Variants in SMYD3 observed in about 807,000 individuals in gnomAD.
The protein encoded by SMYD3 is SET and MYND domain containing 3.
Under a neutral mutation model 57.7 loss-of-function variants are expected in SMYD3, and 36 were observed. The observed-to-expected ratio is 0.62, with a 90% CI of 0.48 to 0.82. The LOEUF is 0.82. SMYD3 is among the 40% of genes least tolerant of loss of function. The pLI is 0.00. For synonymous variants in SMYD3, 211 were observed against 195.0 expected, an observed-to-expected ratio of 1.08 and a Z score of -0.68; for missense variants, 515 against 538.8, an observed-to-expected ratio of 0.96 and a Z score of 0.44.
intron 1 of SMYD3, among the ~76,000 whole-genome samples, chr1:246,363,618 T>C (rs2066046904): frequency 6.6e-6 from 1 of 152,156 alleles, no homozygotes; most frequent in Admixed American, 6.5e-5. Context: ...TCTGTGACCT[T>C]ACCCCCCAAC....
chr1:246,259,587 G>T (rs1391287926), intron 5 of SMYD3, among the ~76,000 whole-genome samples: 3 of 152,174 alleles, frequency 2.0e-5, no homozygotes, highest in Admixed American at 1.3e-4. Flanking sequence ...GCCAGTAGAT[G>T]ATGCTTATAG....
intron 11 of SMYD3, among the ~76,000 whole-genome samples, chr1:245,759,241 C>G (rs913836623): frequency 1.3e-5 from 2 of 151,970 alleles, no homozygotes; most frequent in Non-Finnish European, 2.9e-5. Context: ...CAGGGGCTTC[C>G]AAACAACTCT....
intron 5 of SMYD3, among the ~76,000 whole-genome samples, chr1:246,279,549 T>G (rs912691661): frequency 6.6e-6 from 1 of 151,948 alleles, no homozygotes; most frequent in Non-Finnish European, 1.5e-5. Flanking sequence ...AAAAAAAGAT[T>G]GTTGAGACCA....
chr1:246,447,247 G>C (rs959642057), intron 1 of SMYD3, among the ~76,000 whole-genome samples: 1 of 152,154 alleles, frequency 6.6e-6, no homozygotes, highest in African/African-American at 2.4e-5. Flanking sequence ...AGAGGAATTG[G>C]GGAGGTAATT....
chr1:246,002,330 T>A lies in SMYD3; in HGVS notation c.532-72393A>T, dbSNP rs12755103. 4.3e-3 allele frequency among the ~76,000 whole-genome samples: 212 copies of A among 49,744 alleles called. 13 individuals are homozygous for A. Among genetic ancestry groups the A allele is most frequent in the South Asian group, 0.021 (28 of 1,360 alleles). 32.6% of individuals were successfully genotyped at this position (49,744 alleles called of 152,430 possible). Reference sequence around the variant, plus strand: ...CTCCCGAGTAGCTGGGACTGCAGGCTCCCGCCACCACGCCCGGCTAATTTT... The same window carrying A: ...CTCCCGAGTAGCTGGGACTGCAGGCACCCGCCACCACGCCCGGCTAATTTT... On this transcript the variant is annotated intron_variant, in intron 5 of 11. Coordinates refer to ENST00000490107, the MANE Select transcript of SMYD3 (RefSeq NM_001167740.2).
intron 5 of SMYD3, among the ~76,000 whole-genome samples, chr1:246,093,483 G>A (rs1248972916): frequency 1.3e-5 from 2 of 152,152 alleles, no homozygotes; most frequent in African/African-American, 2.4e-5. Flanking sequence ...GGATAAGCCT[G>A]GAGGACATTA....
At chr1:245,992,383 C>T (rs1184860535) in intron 5 of SMYD3, among the ~76,000 whole-genome samples, 3 of 152,266 alleles carry the variant, frequency 2.0e-5, no homozygotes, top group Non-Finnish European at 2.9e-5. Flanking sequence ...GTGTGAACCT[C>T]GGGATGCAGG....
intron 1 of SMYD3, among the ~76,000 whole-genome samples, chr1:246,429,746 A>T (rs977864980): frequency 3.3e-5 from 5 of 152,232 alleles, no homozygotes; most frequent in Admixed American, 3.3e-4. Context: ...GGGTCCTACA[A>T]GGGAAAATGT....
At chr1:245,789,457 T>G (rs539111140) in intron 10 of SMYD3, among the ~76,000 whole-genome samples, 93 of 152,102 alleles carry the variant, frequency 6.1e-4, no homozygotes, top group Non-Finnish European at 1.2e-3. Context: ...AAATACAGAC[T>G]AAGAAGAAAG....
At chr1:245,827,982 G>A (rs1467299185) in intron 10 of SMYD3, among the ~76,000 whole-genome samples, 1 of 152,144 alleles carries the variant, frequency 6.6e-6, no homozygotes, top group East Asian at 1.9e-4. Flanking sequence ...CAGACACGAG[G>A]AAAGAAAGGT....
At chr1:245,960,465 G>A (rs1251070244) in intron 5 of SMYD3, among the ~76,000 whole-genome samples, 1 of 152,148 alleles carries the variant, frequency 6.6e-6, no homozygotes, top group Non-Finnish European at 1.5e-5. Context: ...ACTAAAGAAT[G>A]GGCATAGGGC....
At chr1:246,311,776 C>T (rs1479300943) in intron 5 of SMYD3, among the ~76,000 whole-genome samples, 1 of 152,198 alleles carries the variant, frequency 6.6e-6, no homozygotes, top group Non-Finnish European at 1.5e-5. Context: ...TTCAAAAATA[C>T]CCAGCCTTTC....
chr1:245,815,745 C>T (rs1391346897), intron 10 of SMYD3, among the ~76,000 whole-genome samples: 3 of 152,228 alleles, frequency 2.0e-5, no homozygotes, highest in Non-Finnish European at 4.4e-5. Context: ...TTTCCACAGC[C>T]ACTGTCTCAC....
chr1:246,453,434 A>G (rs747879684), intron 1 of SMYD3, among the ~76,000 whole-genome samples: 2 of 152,290 alleles, frequency 1.3e-5, no homozygotes, highest in Non-Finnish European at 1.5e-5. Flanking sequence ...CGATGCTTCT[A>G]TATGTAAACA....
intron 1 of SMYD3, among the ~76,000 whole-genome samples, chr1:246,444,126 A>AAT (rs1249073450): frequency 3.3e-5 from 2 of 59,868 alleles, no homozygotes; most frequent in African/African-American, 9.7e-5. Context: ...AGAACCTAAG[A>AAT]ATTTTTTTTT....
intron 5 of SMYD3, among the ~76,000 whole-genome samples, chr1:245,992,946 C>T (rs953454823): frequency 7.0e-5 from 10 of 142,876 alleles, no homozygotes; most frequent in Non-Finnish European, 1.2e-4. Flanking sequence ...GGTCATGGAT[C>T]GGCCACTTCT....
intron 5 of SMYD3, among the ~76,000 whole-genome samples, chr1:246,141,852 G>C (rs1230988129): frequency 6.6e-6 from 1 of 152,168 alleles, no homozygotes; most frequent in East Asian, 1.9e-4. Context: ...AGTCGAGCTG[G>C]AAGCAATGAA....
At chr1:246,408,663 C>CTTTTTTTTTTT (rs5782392) in intron 1 of SMYD3, among the ~76,000 whole-genome samples, 1 of 65,520 alleles carries the variant, frequency 1.5e-5, no homozygotes, top group East Asian at 4.4e-4. Flanking sequence ...AGAAGCAAGT[C>CTTTTTTTTTTT]TTTTTTTTTT....
At chr1:246,156,711 GT>G (rs1200432076) in intron 5 of SMYD3, among the ~76,000 whole-genome samples, 1 of 152,186 alleles carries the variant, frequency 6.6e-6, no homozygotes, top group Non-Finnish European at 1.5e-5. Context: ...TCTACAAGGT[GT>G]TTTGGGGAGC....
Sources: gnomAD v4.1 joint callset for allele counts (sites outside exome capture counted in the v4.1 genomes callset) on GRCh38, gnomAD v4.1.1 for gene constraint, MANE v1.5 for transcripts, NCBI Gene and HGNC (gene_info 2026-07-23, HGNC 2026-07-21) for gene names.